TMEM232: variants seen among roughly 807,000 people sequenced by gnomAD.
The protein encoded by TMEM232 is transmembrane protein 232.
In TMEM232, 80 loss-of-function variants were observed where a neutral mutation model predicts 78.8. The observed-to-expected ratio is 1.01, with a 90% CI of 0.85 to 1.22. The LOEUF (loss-of-function observed/expected upper bound fraction) is 1.22. Among genes scored for constraint, TMEM232 ranks in the 50% most tolerant of loss-of-function variants. The probability of loss-of-function intolerance (pLI) is 0.00; values close to 1 mark genes in which losing one functional copy is unlikely to be tolerated. For synonymous variants in TMEM232, 297 were observed against 254.3 expected (o/e 1.17, Z -1.60); for missense variants, 881 against 742.2 (o/e 1.19, Z -2.17).
At chr5:110,651,302 G>A (rs1788266688) in intron 2 of TMEM232, among the ~76,000 whole-genome samples, 1 of 152,124 alleles carries the variant, frequency 6.6e-6, no homozygotes, top group Non-Finnish European at 1.5e-5. Flanking sequence ...ATCGGGAAAG[G>A]TGAGACTTTG....
chr5:110,692,115 G>A (rs1241254310), intron 1 of TMEM232, among the ~76,000 whole-genome samples: 4 of 151,950 alleles, frequency 2.6e-5, no homozygotes, highest in African/African-American at 9.7e-5. Context: ...TAGAGACGGG[G>A]TTTCACCCTG....
chr5:110,549,662 A>T (rs1774224136), intron 11 of TMEM232, among the ~76,000 whole-genome samples: 1 of 151,576 alleles, frequency 6.6e-6, no homozygotes, highest in Non-Finnish European at 1.5e-5. Flanking sequence ...TTGGAATGAC[A>T]GATTAAAATA....
At chr5:110,706,875 G>A (rs1235700942) in intron 1 of TMEM232, among the ~76,000 whole-genome samples, 3 of 152,104 alleles carry the variant, frequency 2.0e-5, no homozygotes, top group Non-Finnish European at 4.4e-5. Flanking sequence ...GCAGAGGATG[G>A]TGTTTCACAT....
chr5:110,691,356 A>C (rs1366133587), intron 1 of TMEM232, among the ~76,000 whole-genome samples: 2 of 152,196 alleles, frequency 1.3e-5, no homozygotes, highest in Non-Finnish European at 2.9e-5. Context: ...TATTCACCAT[A>C]GGAAGCCCTT....
chr5:110,649,590 T>C (rs1214882648), intron 2 of TMEM232, among the ~76,000 whole-genome samples: 1 of 152,142 alleles, frequency 6.6e-6, no homozygotes, highest in Non-Finnish European at 1.5e-5. Flanking sequence ...ACTCTCATTT[T>C]CCCACATCCT....
At chr5:110,502,098 G>C (rs1410819019) in intron 12 of TMEM232, among the ~76,000 whole-genome samples, 1 of 152,142 alleles carries the variant, frequency 6.6e-6, no homozygotes, top group South Asian at 2.1e-4. Flanking sequence ...CCTCCATAGA[G>C]TATGTGTGTG....
At chr5:110,670,595 C>A (rs1404764888) in intron 1 of TMEM232, among the ~76,000 whole-genome samples, 3 of 152,108 alleles carry the variant, frequency 2.0e-5, no homozygotes, top group Non-Finnish European at 4.4e-5. Flanking sequence ...TAATAATCCA[C>A]ATGCATCAGA....
In TMEM232 at chr5:110,481,872, T is replaced by C. The variant is rs542802173; in HGVS notation, c.1703+46716A>G. Among the ~76,000 whole-genome samples the C allele has an allele frequency of 3.2e-3, 492 of 152,280 alleles. 1 individual carries two copies. The highest frequency in any genetic ancestry group is 5.4e-3 in the Non-Finnish European group (369 of 68,016). ...AAAAAACTAAGGCTGTTCCCTGGGA[T>C]TCTGGTGAAAGCTAATAAGAATAGG... On this transcript the variant is annotated intron_variant, in intron 12 of 13. Transcript: ENST00000455884.
At chr5:110,536,635 A>G (rs1475420085) in intron 11 of TMEM232, among the ~76,000 whole-genome samples, 7 of 152,162 alleles carry the variant, frequency 4.6e-5, no homozygotes, top group South Asian at 2.1e-4. Flanking sequence ...TTTTCATGCT[A>G]AATTCTTCTC....
intron 1 of TMEM232, among the ~76,000 whole-genome samples, chr5:110,713,396 A>AG (rs1796696877): frequency 6.6e-6 from 1 of 152,174 alleles, no homozygotes. Flanking sequence ...AAATAACTAA[A>AG]GGAGTATAAT....
chr5:110,735,261 T>C (rs1799041760), intron 1 of TMEM232, among the ~76,000 whole-genome samples: 1 of 152,250 alleles, frequency 6.6e-6, no homozygotes, highest in South Asian at 2.1e-4. Context: ...TAGCATTCTG[T>C]GCCAACTCTT....
At chr5:110,727,702 G>A (rs909463748), upstream of TMEM232, among the ~76,000 whole-genome samples, 30 of 152,112 alleles carry the variant, frequency 2.0e-4, no homozygotes, top group Non-Finnish European at 4.4e-4. Context: ...AATTTAACTT[G>A]AACTACTTCG....
chr5:110,615,525 T>C (rs987137536), intron 8 of TMEM232, among the ~76,000 whole-genome samples: 4 of 151,964 alleles, frequency 2.6e-5, no homozygotes, highest in Admixed American at 2.0e-4. Context: ...ACAACTGACA[T>C]TATCCTCAAT....
intron 12 of TMEM232, among the ~76,000 whole-genome samples, chr5:110,425,130 T>A (rs959558291): frequency 6.6e-6 from 1 of 152,108 alleles, no homozygotes; most frequent in African/African-American, 2.4e-5. Context: ...GGACATGACA[T>A]ATAGGATGAT....
chr5:110,737,396 T>G, intron 1 of TMEM232, among the ~76,000 whole-genome samples: 1 of 152,166 alleles, frequency 6.6e-6, no homozygotes, highest in East Asian at 1.9e-4. Context: ...ACCCCTATAT[T>G]TGTTTTCTAA....
At chr5:110,711,888 C>G (rs867638183) in intron 1 of TMEM232, among the ~76,000 whole-genome samples, 5 of 151,878 alleles carry the variant, frequency 3.3e-5, no homozygotes, top group Non-Finnish European at 5.9e-5. Context: ...GGGCAGATCA[C>G]GAAGTCAGGA....
At chr5:110,602,027 C>T (rs760132826) in intron 10 of TMEM232, among the ~76,000 whole-genome samples, 7 of 152,038 alleles carry the variant, frequency 4.6e-5, no homozygotes, top group Non-Finnish European at 8.8e-5. Flanking sequence ...ACAAACCTGA[C>T]AAAAACAAGC....
In TMEM232 at chr5:110,599,627, T is replaced by C. The variant is rs930829017; in HGVS notation, c.1276+5482A>G. Among the ~76,000 whole-genome samples, 10 of 152,112 alleles carry C rather than the reference T, an allele frequency of 6.6e-5. 1 individual carries two copies. The highest frequency in any genetic ancestry group is 2.4e-4 in the African/African-American group (10 of 41,418). On this transcript the variant is annotated intron_variant, in intron 10 of 13. Transcript: ENST00000455884. ...GCAACAAGAAGAGCTATCTTAAACA[T>C]ATATGCACCCAATATACAGGAGCCC...
chr5:110,549,515 T>C (rs1242457072), intron 11 of TMEM232, among the ~76,000 whole-genome samples: 3 of 145,594 alleles, frequency 2.1e-5, no homozygotes, highest in African/African-American at 5.1e-5. Flanking sequence ...CTCGGGAGGC[T>C]GAGACAGTAG....
Sources: gnomAD v4.1 joint callset for allele counts (sites outside exome capture counted in the v4.1 genomes callset) on GRCh38, gnomAD v4.1.1 for gene constraint, MANE v1.5 for transcripts, NCBI Gene and HGNC (gene_info 2026-07-23, HGNC 2026-07-21) for gene names.